Variants in SINHCAF observed in about 807,000 individuals in gnomAD.
SINHCAF encodes SIN3-HDAC complex-associated factor.
A neutral mutation model predicts 25.8 loss-of-function variants in SINHCAF; 3 were observed. The observed-to-expected ratio is 0.12, with a 90% CI of 0.05 to 0.30. The LOEUF (loss-of-function observed/expected upper bound fraction) is 0.30. SINHCAF is among the 10% of genes least tolerant of loss of function. The probability of loss-of-function intolerance (pLI) is 1.00; values close to 1 mark genes in which losing one functional copy is unlikely to be tolerated. For missense variants in SINHCAF, 121 were observed against 262.3 expected, an observed-to-expected ratio of 0.46 and a Z score of 3.72; for synonymous variants, 70 against 85.5, an observed-to-expected ratio of 0.82 and a Z score of 1.00.
At chr12:31,315,004 T>C (rs914722713) in intron 1 of SINHCAF, among the ~76,000 whole-genome samples, 12 of 152,226 alleles carry the variant, frequency 7.9e-5, no homozygotes, top group Non-Finnish European at 1.5e-5. Context: ...TCTCATTAGA[T>C]TGACTAAGTC....
At chr12:31,283,121 GTCAGTT>G (rs1349473438) in intron 5 of SINHCAF, among the ~76,000 whole-genome samples, 4 of 152,028 alleles carry the variant, frequency 2.6e-5, no homozygotes. Context: ...AAAGACAGCA[GTCAGTT>G]TCAAAGGCTG....
intron 1 of SINHCAF, among the ~76,000 whole-genome samples, chr12:31,300,224 C>G (rs1040253054): frequency 6.6e-6 from 1 of 152,076 alleles, no homozygotes; most frequent in Non-Finnish European, 1.5e-5. Flanking sequence ...GGTTTTACAA[C>G]TTTTAAAAGA....
chr12:31,325,200 C>T lies in SINHCAF; in HGVS notation c.-21+824G>A, dbSNP rs1212912707. On this transcript the variant is annotated intron_variant, in intron 1 of 5. Coordinates refer to ENST00000337682, the MANE Select transcript of SINHCAF (RefSeq NM_001135812.2). The surrounding 1 kb of genome is among the most constrained non-coding windows in gnomAD (Gnocchi z 5.9). Reference sequence around the variant, plus strand: ...AACGGGAAGCCCTCGCGGTGTCGCCCACACCTACGCTACAGGTGAACGCAC... The same window carrying T: ...AACGGGAAGCCCTCGCGGTGTCGCCTACACCTACGCTACAGGTGAACGCAC... The T allele has an allele frequency of 2.2e-6, 1 of 456,820 alleles. No individual in the cohort carries two copies. The highest frequency in any genetic ancestry group is 6.9e-5 in the East Asian group (1 of 14,402). The allele number at this position is 456,820 out of a possible 1,614,324, so 28.3% of individuals were successfully genotyped here. A position where few individuals can be genotyped will look rare whatever the true frequency, so the allele number is the denominator to read the frequency against.
chr12:31,311,178 T>C lies in SINHCAF; in HGVS notation c.-20-12954A>G, dbSNP rs189685752. Among the ~76,000 whole-genome samples the C allele has an allele frequency of 9.9e-5, 15 of 152,258 alleles. 1 individual carries two copies. In the East Asian group the frequency reaches 2.1e-3, roughly 22 times the overall value. Reference sequence around the variant, plus strand: ...TTTTGAAAAAAACAAGGGAATGGCATTTAACAGAGAAGCTGCTCATACCCA... The same window carrying C: ...TTTTGAAAAAAACAAGGGAATGGCACTTAACAGAGAAGCTGCTCATACCCA... On this transcript the variant is annotated intron_variant, in intron 1 of 5. Coordinates refer to ENST00000337682, the MANE Select transcript of SINHCAF (RefSeq NM_001135812.2).
intron 1 of SINHCAF, chr12:31,303,188 A>G: frequency 2.0e-6 from 2 of 985,464 alleles, no homozygotes; most frequent in Non-Finnish European, 2.4e-6. Flanking sequence ...GCCAGAACAA[A>G]TATTTAGAAG....
Position 31,280,895 on chromosome 12 carries a change from T to C in SINHCAF, c.*1817A>G, listed in dbSNP as rs1468848438. On this transcript the variant is annotated 3_prime_UTR_variant, in exon 6 of 6. Coordinates refer to ENST00000337682, the MANE Select transcript of SINHCAF (RefSeq NM_001135812.2). ...TTCAAATAACTCAGGAGGATGATAATGGCTGGACTTTTGTAATTCACCTCA... is the reference window on the plus strand; with the variant it reads ...TTCAAATAACTCAGGAGGATGATAACGGCTGGACTTTTGTAATTCACCTCA... 6 of 152,230 alleles carry C rather than the reference T, an allele frequency of 3.9e-5. No homozygotes were observed. Among genetic ancestry groups the C allele is most frequent in the South Asian group, 4.1e-4 (2 of 4,836 alleles). 9.4% of individuals were successfully genotyped at this position (152,230 alleles called of 1,614,324 possible). A position where few individuals can be genotyped will look rare whatever the true frequency, so the allele number is the denominator to read the frequency against.
At chr12:31,306,277 T>C (rs1476315608) in intron 1 of SINHCAF, among the ~76,000 whole-genome samples, 1 of 152,190 alleles carries the variant, frequency 6.6e-6, no homozygotes, top group Admixed American at 6.5e-5. Context: ...CTGAGCCCCA[T>C]AAAGGGGTTT....
At chr12:31,296,904 G>A (rs1020185517) in intron 2 of SINHCAF, 10 of 365,428 alleles carry the variant, frequency 2.7e-5, no homozygotes, top group African/African-American at 4.3e-5. Context: ...GTAAGGTGGT[G>A]CACACCTGTA....
At chr12:31,323,495 A>G (rs1939790031) in intron 1 of SINHCAF, among the ~76,000 whole-genome samples, 2 of 152,164 alleles carry the variant, frequency 1.3e-5, no homozygotes, top group Admixed American at 1.3e-4. Context: ...CTGGGGTAAA[A>G]CTGTCTCGGA....
intron 5 of SINHCAF, among the ~76,000 whole-genome samples, chr12:31,285,541 T>A (rs1410107009): frequency 1.3e-5 from 2 of 152,078 alleles, no homozygotes; most frequent in African/African-American, 4.8e-5. Flanking sequence ...TATTTTATAT[T>A]TCCTAACACT....
Position 31,324,954 on chromosome 12 carries a change from C to T in SINHCAF, c.-21+1070G>A, listed in dbSNP as rs1198706155. 1 of 456,500 alleles carries T rather than the reference C, an allele frequency of 2.2e-6. No individual in the cohort carries two copies. Among genetic ancestry groups the T allele is most frequent in the Middle Eastern group, 3.3e-4 (1 of 3,076 alleles). The allele number at this position is 456,500 out of a possible 1,614,324, so 28.3% of individuals were successfully genotyped here. A position where few individuals can be genotyped will look rare whatever the true frequency, so the allele number is the denominator to read the frequency against. On this transcript the variant is annotated intron_variant, in intron 1 of 5. Transcript: ENST00000337682. The surrounding 1 kb of genome is among the most constrained non-coding windows in gnomAD (Gnocchi z 5.5). ...TCAGCAAACCACATTGTCCTGCCGG[C>T]CGGACCTGCCCGACGGCGGCCGCAT... is the stretch of plus-strand genomic sequence containing the variant.
Position 31,286,662 on chromosome 12 carries a change from C to CAA in SINHCAF, c.506+970_506+971dup, listed in dbSNP as rs999169211. ...TGGCAACAAGAGCAAAACTCCGTCT[C>CAA]AAAAAAAAAAAAAAAAAAGAAACTG... On this transcript the variant is annotated intron_variant, in intron 5 of 5. Transcript: ENST00000337682. Among the ~76,000 whole-genome samples, 423 of 55,180 alleles carry CAA rather than the reference C, an allele frequency of 7.7e-3. 4 individuals are homozygous for CAA. The highest frequency in any genetic ancestry group is 0.023 in the African/African-American group (388 of 16,678). 36.2% of individuals were successfully genotyped at this position (55,180 alleles called of 152,430 possible).
In SINHCAF at chr12:31,287,801, G is replaced by C. The variant is rs770762425; in HGVS notation, c.356-17C>G. 4.5e-6 allele frequency: 7 copies of C among 1,551,356 alleles called. No individual in the cohort carries two copies. The highest frequency in any genetic ancestry group is 6.1e-6 in the Non-Finnish European group (7 of 1,141,984). ...CATCAGAATCTGCAATAAAGATTAA[G>C]AGAAAAAATAAAATTTTCAATTTCA... On this transcript the variant is annotated splice_polypyrimidine_tract_variant and intron_variant, in intron 4 of 5. Coordinates refer to ENST00000337682, the MANE Select transcript of SINHCAF (RefSeq NM_001135812.2).
At chr12:31,306,536 G>C (rs1347481323) in intron 1 of SINHCAF, among the ~76,000 whole-genome samples, 1 of 152,056 alleles carries the variant, frequency 6.6e-6, no homozygotes, top group Non-Finnish European at 1.5e-5. Context: ...ATCTTTCTTC[G>C]ATGAAAGCTA....
At chr12:31,286,936 T>A (rs1938106665) in intron 5 of SINHCAF, among the ~76,000 whole-genome samples, 2 of 152,200 alleles carry the variant, frequency 1.3e-5, no homozygotes, top group Non-Finnish European at 2.9e-5. Context: ...TTTGTTTTTT[T>A]AAATAGAGTC....
At position 31,289,912 on chromosome 12, in the gene SINHCAF, C is replaced by T. The variant is rs1485511570; in HGVS notation, c.356-2128G>A. Among the ~76,000 whole-genome samples, 6 of 150,486 alleles carry T rather than the reference C, an allele frequency of 4.0e-5. No homozygotes were observed. In the East Asian group the frequency reaches 1.2e-3, roughly 30 times the overall value. ...TGACCACAGCTCACTGCAGTCTCAACCTCCTGAGCTCAAGCAATCCTCCCG... is the reference window on the plus strand; with the variant it reads ...TGACCACAGCTCACTGCAGTCTCAATCTCCTGAGCTCAAGCAATCCTCCCG... On this transcript the variant is annotated intron_variant, in intron 4 of 5. Transcript: ENST00000337682.
chr12:31,292,334 A>G (rs965149529), intron 4 of SINHCAF, among the ~76,000 whole-genome samples: 1 of 151,982 alleles, frequency 6.6e-6, no homozygotes, highest in Non-Finnish European at 1.5e-5. Flanking sequence ...CCCAAACTCT[A>G]CTAAAAATAC....
intron 1 of SINHCAF, among the ~76,000 whole-genome samples, chr12:31,314,600 A>AT (rs562515839): frequency 0.025 from 3,766 of 147,828 alleles, 86 homozygotes; most frequent in African/African-American, 0.064. Flanking sequence ...ACTTCTGAAG[A>AT]TTTTTTTTTT....
At chr12:31,285,972 C>T (rs1187608217) in intron 5 of SINHCAF, among the ~76,000 whole-genome samples, 1 of 139,276 alleles carries the variant, frequency 7.2e-6, no homozygotes, top group Non-Finnish European at 1.5e-5. Flanking sequence ...GAAACTCTGT[C>T]TCAAAAAAAA....
Sources: allele counts gnomAD v4.1 joint callset (sites outside exome capture counted in the v4.1 genomes callset), GRCh38; gene constraint gnomAD v4.1.1; non-coding constraint Gnocchi (gnomAD v3.1); transcripts MANE v1.5; gene names NCBI Gene and HGNC (gene_info 2026-07-23, HGNC 2026-07-21).